SYNPR: variants seen among roughly 807,000 people sequenced by gnomAD.
SYNPR encodes the protein synaptoporin.
In SYNPR, 23 loss-of-function variants were observed where a neutral mutation model predicts 32.9. The ratio of observed to expected loss-of-function variants is 0.70; its 90% confidence interval spans 0.50 to 0.99. The LOEUF (loss-of-function observed/expected upper bound fraction) is 0.99. SYNPR is among the 50% of genes least tolerant of loss of function. The probability of loss-of-function intolerance (pLI) is 0.00; values close to 1 mark genes in which losing one functional copy is unlikely to be tolerated. For missense variants in SYNPR, 318 were observed against 349.3 expected (o/e 0.91, Z 0.71); for synonymous variants, 146 against 135.9 (o/e 1.07, Z -0.52).
chr3:63,468,194 CAAAAAA>C (rs552378431), intron 2 of SYNPR, among the ~76,000 whole-genome samples: 1 of 80,834 alleles, frequency 1.2e-5, no homozygotes. Flanking sequence ...AACTCCATCT[CAAAAAA>C]AAAAAAAAAA....
At chr3:63,566,274 G>A (rs1352342244) in intron 4 of SYNPR, among the ~76,000 whole-genome samples, 2 of 152,174 alleles carry the variant, frequency 1.3e-5, no homozygotes, top group East Asian at 3.9e-4. Flanking sequence ...AAAAATGGGA[G>A]TAAAAATATT....
chr3:63,418,028 G>A (rs1463644157), intron 2 of SYNPR, among the ~76,000 whole-genome samples: 2 of 152,184 alleles, frequency 1.3e-5, no homozygotes, highest in African/African-American at 4.8e-5. Flanking sequence ...CAGAAAATGG[G>A]ATTTTTCTTT....
chr3:63,417,991 T>C (rs1203762251), intron 2 of SYNPR, among the ~76,000 whole-genome samples: 1 of 152,226 alleles, frequency 6.6e-6, no homozygotes, highest in African/African-American at 2.4e-5. Context: ...CTTATGCAAA[T>C]TTCTGCAGCT....
intron 3 of SYNPR, among the ~76,000 whole-genome samples, chr3:63,486,346 T>TA (rs1701150140): frequency 2.0e-5 from 3 of 152,184 alleles, no homozygotes; most frequent in African/African-American, 7.2e-5. Context: ...AGTTGGAGGA[T>TA]GACAATCCCA....
At position 63,260,861 on chromosome 3, in the gene SYNPR, A is replaced by C. The variant is rs1174764567; in HGVS notation, n.155-6456A>C. On this transcript the variant is annotated intron_variant and non_coding_transcript_variant, in intron 2 of 4. Coordinates refer to the SYNPR transcript ENST00000478456. Reference sequence around the variant, plus strand: ...AATATCCAGAATCTACAATGAACTCAAACAAATTTACAAGAAAAAAAAAAA... The same window carrying C: ...AATATCCAGAATCTACAATGAACTCCAACAAATTTACAAGAAAAAAAAAAA... Among the ~76,000 whole-genome samples the C allele has an allele frequency of 8.9e-5, 13 of 145,576 alleles. No homozygotes were observed. In the East Asian group the frequency reaches 1.7e-3, roughly 20 times the overall value.
chr3:63,339,726 C>T (rs1471447049), intron 2 of SYNPR, among the ~76,000 whole-genome samples: 16 of 151,356 alleles, frequency 1.1e-4, no homozygotes, highest in Non-Finnish European at 2.1e-4. Context: ...GGCGAGATCT[C>T]AGCTCGCGTC....
chr3:63,503,318 T>G (rs58745721), intron 3 of SYNPR, among the ~76,000 whole-genome samples: 15,139 of 152,162 alleles, frequency 0.099, 1,406 homozygotes, highest in African/African-American at 0.24. Context: ...TGTTGAGGTT[T>G]AGAAGTTTTT....
chr3:63,465,399 T>C (rs1460914813), intron 2 of SYNPR, among the ~76,000 whole-genome samples: 2 of 152,056 alleles, frequency 1.3e-5, no homozygotes, highest in East Asian at 3.9e-4. Context: ...CTCTAGGGAA[T>C]CTAGATTAAT....
intron 2 of SYNPR, among the ~76,000 whole-genome samples, chr3:63,333,723 AT>A (rs2087255063): frequency 6.6e-6 from 1 of 152,126 alleles, no homozygotes; most frequent in Non-Finnish European, 1.5e-5. Flanking sequence ...TGGCCCAGGA[AT>A]TTCTTATTTG....
At chr3:63,522,241 C>T (rs1365473088) in intron 3 of SYNPR, among the ~76,000 whole-genome samples, 1 of 152,182 alleles carries the variant, frequency 6.6e-6, no homozygotes, top group African/African-American at 2.4e-5. Flanking sequence ...GTAGGACCAT[C>T]CTCTATCGTT....
chr3:63,264,836 G>C (rs926304989), intron 2 of SYNPR, among the ~76,000 whole-genome samples: 1 of 152,010 alleles, frequency 6.6e-6, no homozygotes, highest in Non-Finnish European at 1.5e-5. Context: ...GGCAAGCCGG[G>C]GAAATTCCAG....
At chr3:63,247,068 G>A (rs940218440) in intron 1 of SYNPR, among the ~76,000 whole-genome samples, 11 of 151,356 alleles carry the variant, frequency 7.3e-5, no homozygotes, top group African/African-American at 2.7e-4. Flanking sequence ...CCTGAACTTA[G>A]AAGTTGGAAA....
the SYNPR span, chr3:63,203,372 G>T: frequency 1.3e-5 from 2 of 152,066 alleles, no homozygotes; most frequent in African/African-American, 4.8e-5. Context: ...GTCTCTTAAG[G>T]TCTCCAGTGG....
intron 2 of SYNPR, among the ~76,000 whole-genome samples, chr3:63,303,725 TAGA>T (rs1245235466): frequency 1.3e-5 from 2 of 152,080 alleles, no homozygotes; most frequent in Non-Finnish European, 2.9e-5. Flanking sequence ...TGTAAAATAC[TAGA>T]AGAAGGCTGT....
At chr3:63,528,231 A>G (rs1455936224) in intron 3 of SYNPR, among the ~76,000 whole-genome samples, 1 of 152,196 alleles carries the variant, frequency 6.6e-6, no homozygotes, top group East Asian at 1.9e-4. Flanking sequence ...AATGTTAATG[A>G]CTATTATGCA....
chr3:63,510,347 T>G (rs999807170), intron 3 of SYNPR, among the ~76,000 whole-genome samples: 1 of 152,196 alleles, frequency 6.6e-6, no homozygotes. Flanking sequence ...AACAATGCTG[T>G]GTTTTTACTT....
upstream of SYNPR, among the ~76,000 whole-genome samples, chr3:63,274,129 A>G (rs1377536816): frequency 6.6e-6 from 1 of 152,182 alleles, no homozygotes; most frequent in African/African-American, 2.4e-5. Context: ...CATTTCCATT[A>G]TTTTAGATTT....
chr3:63,263,120 G>A (rs1392192889), intron 2 of SYNPR, among the ~76,000 whole-genome samples: 8 of 152,174 alleles, frequency 5.3e-5, no homozygotes, highest in Admixed American at 6.5e-5. Context: ...ATGGGAACAC[G>A]GACTTAGTTT....
At chr3:63,578,639 TA>T (rs976398224) in intron 4 of SYNPR, among the ~76,000 whole-genome samples, 1 of 152,164 alleles carries the variant, frequency 6.6e-6, no homozygotes, top group Non-Finnish European at 1.5e-5. Context: ...ATCTCCCATC[TA>T]AAAGATTTTG....
Sources: allele counts gnomAD v4.1 joint callset (sites outside exome capture counted in the v4.1 genomes callset), GRCh38; gene constraint gnomAD v4.1.1; transcripts MANE v1.5; gene names NCBI Gene and HGNC (gene_info 2026-07-23, HGNC 2026-07-21).